Variants in TCEANC observed in about 807,000 individuals in gnomAD.
TCEANC encodes the protein transcription elongation factor A N-terminal and central domain containing, also known as transcription elongation factor A N-terminal and central domain-containing protein.
In TCEANC, 8 loss-of-function variants were observed where a neutral mutation model predicts 8.7. The ratio of observed to expected loss-of-function variants is 0.92; its 90% CI spans 0.54 to 1.65. The LOEUF (loss-of-function observed/expected upper bound fraction) is 1.65, where lower values mean the gene tolerates loss of function less well. TCEANC is among the 40% of genes most tolerant of loss of function. TCEANC has a pLI of 0.00. For missense variants in TCEANC, 255 were observed against 251.9 expected (o/e 1.01, Z -0.08); for synonymous variants, 78 against 92.9 (o/e 0.84, Z 0.92).
exon 2 of TCEANC, chrX:13,663,031 A>T (rs2045981733): frequency 8.3e-7 from 1 of 1,209,810 alleles, no homozygotes; most frequent in Non-Finnish European, 1.1e-6. Flanking sequence ...ACCCATGAGA[A>T]CTAAATGCAT....
chrX:13,663,172 A>G (rs1406206212), exon 2 of TCEANC: 2 of 1,204,858 alleles, frequency 1.7e-6, no homozygotes, highest in Non-Finnish European at 2.2e-6. Context: ...AAAATATAAA[A>G]CTTGCATCAG....
intron 1 of TCEANC, among the ~76,000 whole-genome samples, 88 bp downstream of exon 4, chrX:13,661,210 C>T (rs1463002575): frequency 1.8e-5 from 2 of 111,787 alleles, no homozygotes; most frequent in Non-Finnish European, 3.8e-5. Flanking sequence ...ACTTTATGAC[C>T]ATTTTTCCAT....
intron 1 of TCEANC, among the ~76,000 whole-genome samples, chrX:13,659,424 G>A (rs1156240177): frequency 9.0e-6 from 1 of 111,647 alleles, no homozygotes; most frequent in Admixed American, 9.5e-5. Context: ...TTATAGCTTC[G>A]GGGTTTCAGT....
intron 1 of TCEANC, 81 bp from the exon 5 acceptor site, chrX:13,662,420 A>G: frequency 1.1e-6 from 1 of 907,112 alleles, no homozygotes; most frequent in South Asian, 2.4e-5. Flanking sequence ...GGTAACTGAC[A>G]GAAAGTGCTA....
chrX:13,657,264 C>T (rs982262732), intron 1 of TCEANC, among the ~76,000 whole-genome samples: 3 of 111,769 alleles, frequency 2.7e-5, no homozygotes, highest in African/African-American at 9.8e-5. Context: ...CGCATATGTA[C>T]GCATTTTCTT....
At chrX:13,663,298 A>G in exon 2 of TCEANC, 1 of 1,199,286 alleles carries the variant, frequency 8.3e-7, no homozygotes. Flanking sequence ...GATGGCAAAT[A>G]AGGAACTGAA....
Position 13,661,047 on chromosome X carries a change from T to C in TCEANC, c.-8-1454T>C, listed in dbSNP as rs1031486531. On this transcript the variant is annotated intron_variant, in intron 1 of 1. An upstream start codon of the reference 5' UTR is lost. Transcript: ENST00000380600. ...TTTTAGTAGAGATGGGGTTTCACCATGTTAGCCAGGATGGTCTCGATCTCC... is the reference window on the plus strand; with the variant it reads ...TTTTAGTAGAGATGGGGTTTCACCACGTTAGCCAGGATGGTCTCGATCTCC... Among the ~76,000 whole-genome samples the C allele has an allele frequency of 6.3e-5, 7 of 111,623 alleles. No homozygotes were observed. The highest frequency in any genetic ancestry group is 1.3e-4 in the Non-Finnish European group (7 of 53,072).
upstream of TCEANC, among the ~76,000 whole-genome samples, chrX:13,654,327 C>T (rs1379957463): frequency 8.9e-6 from 1 of 112,758 alleles, no homozygotes; most frequent in Non-Finnish European, 1.9e-5. Context: ...CAGCCAAATC[C>T]AGCCTGCCTG....
chrX:13,662,469 TA>T (rs1431762437), intron 1 of TCEANC, 31 bp from the exon 5 acceptor site: 1 of 1,155,623 alleles, frequency 8.7e-7, no homozygotes, highest in South Asian at 2.0e-5. Flanking sequence ...ACGGCAAACT[TA>T]AGAAAACTGA....
chrX:13,657,932 G>A (rs1291387318), intron 1 of TCEANC, among the ~76,000 whole-genome samples: 1 of 111,478 alleles, frequency 9.0e-6, no homozygotes, highest in Non-Finnish European at 1.9e-5. Context: ...TAAATAAAAT[G>A]TGGTTTATCC....
exon 2 of TCEANC, chrX:13,664,442 C>T (rs1022701149): frequency 2.4e-5 from 3 of 123,573 alleles, no homozygotes; most frequent in African/African-American, 6.5e-5. Context: ...CTCCCTTCAA[C>T]CACAAAAGTC....
chrX:13,663,868 A>C, exon 2 of TCEANC: 1 of 212,102 alleles, frequency 4.7e-6, no homozygotes. Flanking sequence ...ACACCATTGA[A>C]TCCGAATCTG....
At chrX:13,664,986 A>T (rs746151788) in exon 2 of TCEANC, 1 of 123,904 alleles carries the variant, frequency 8.1e-6, no homozygotes, top group Non-Finnish European at 1.9e-5. Flanking sequence ...TGAAGGCCTA[A>T]CTGTGTGTAC....
chrX:13,662,678 A>G (rs752894360), exon 2 of TCEANC: 3 of 1,210,242 alleles, frequency 2.5e-6, no homozygotes, highest in Admixed American at 4.4e-5. Flanking sequence ...AGAGTCCTCA[A>G]AAACTGCCCC....
chrX:13,654,588 C>CTT (rs201714743), upstream of TCEANC, among the ~76,000 whole-genome samples: 4,928 of 112,497 alleles, frequency 0.044, 166 homozygotes, highest in African/African-American at 0.12. Flanking sequence ...ATTATTCACA[C>CTT]TTACTGTGTG....
chrX:13,653,482 A>G (rs1196547781), upstream of TCEANC, among the ~76,000 whole-genome samples: 1 of 111,814 alleles, frequency 8.9e-6, no homozygotes, highest in Non-Finnish European at 1.9e-5. Flanking sequence ...AACCCGGGCT[A>G]GACCGGGCAG....
intron 1 of TCEANC, 109 bp from the exon 3 acceptor site, chrX:13,659,543 C>A (rs367543602): frequency 9.1e-6 from 1 of 110,096 alleles, no homozygotes; most frequent in Non-Finnish European, 1.9e-5. Context: ...TTTATATGTT[C>A]TTTTATTGAC....
intron 1 of TCEANC, among the ~76,000 whole-genome samples, chrX:13,660,046 G>A (rs1157268561): frequency 1.8e-5 from 2 of 111,808 alleles, no homozygotes; most frequent in East Asian, 5.5e-4. Flanking sequence ...TATATCTTAA[G>A]TGCATATAGT....
chrX:13,654,645 A>T (rs1459414917), upstream of TCEANC, among the ~76,000 whole-genome samples: 1 of 111,934 alleles, frequency 8.9e-6, no homozygotes, highest in Non-Finnish European at 1.9e-5. Context: ...TTTAATTCTC[A>T]TTAATCCTAG....
Sources: gnomAD v4.1 joint callset for allele counts (sites outside exome capture counted in the v4.1 genomes callset) on GRCh38, gnomAD v4.1.1 for gene constraint, MANE v1.5 for transcripts, NCBI Gene and HGNC (gene_info 2026-07-23, HGNC 2026-07-21) for gene names.